Variants in DGKG observed in about 807,000 individuals in gnomAD.
DGKG encodes DAG kinase gamma.
A neutral mutation model predicts 105.3 loss-of-function variants in DGKG; 78 were observed. The ratio of observed to expected loss-of-function variants is 0.74; its 90% CI spans 0.62 to 0.89. DGKG has a LOEUF of 0.89. DGKG is among the 40% of genes least tolerant of loss of function. The pLI is 0.00. For synonymous variants in DGKG, 346 were observed against 367.1 expected, an observed-to-expected ratio of 0.94 and a Z score of 0.66; for missense variants, 958 against 1,020.1, an observed-to-expected ratio of 0.94 and a Z score of 0.83.
intron 1 of DGKG, among the ~76,000 whole-genome samples, chr3:186,356,828 TGAG>T (rs777742314): frequency 2.0e-5 from 3 of 152,166 alleles, no homozygotes; most frequent in Non-Finnish European, 4.4e-5. Context: ...CAGGACTCCC[TGAG>T]GAGAAGCACA....
intron 21 of DGKG, among the ~76,000 whole-genome samples, chr3:186,191,807 G>A (rs1717921060): frequency 6.6e-6 from 1 of 152,160 alleles, no homozygotes; most frequent in Non-Finnish European, 1.5e-5. Context: ...TTTCCTGAAA[G>A]CATAGGCTCA....
chr3:186,213,236 T>C (rs1719120586), intron 20 of DGKG, among the ~76,000 whole-genome samples: 2 of 152,250 alleles, frequency 1.3e-5, no homozygotes, highest in South Asian at 4.1e-4. Context: ...CTGGGTGTAC[T>C]GTAAGCAGAC....
At chr3:186,282,426 C>T (rs1437009155) in intron 7 of DGKG, among the ~76,000 whole-genome samples, 1 of 152,202 alleles carries the variant, frequency 6.6e-6, no homozygotes, top group African/African-American at 2.4e-5. Flanking sequence ...ACCTTTAAAA[C>T]GTATCTGGAA....
chr3:186,298,373 A>G, intron 3 of DGKG, 144 bp from the exon 4 acceptor site: 1 of 731,186 alleles, frequency 1.4e-6, no homozygotes, highest in East Asian at 2.8e-5. Context: ...GGGGACAGGA[A>G]TGAAAAGGCC....
chr3:186,157,830 G>A (rs998203539), intron 24 of DGKG, among the ~76,000 whole-genome samples: 1 of 152,008 alleles, frequency 6.6e-6, no homozygotes, highest in Non-Finnish European at 1.5e-5. Context: ...AGCCTCCCGA[G>A]GAGCTGGAAT....
At chr3:186,359,063 C>T (rs1727108829) in intron 1 of DGKG, among the ~76,000 whole-genome samples, 1 of 152,152 alleles carries the variant, frequency 6.6e-6, no homozygotes, top group African/African-American at 2.4e-5. Flanking sequence ...ATGTGTGATT[C>T]CTTCTTCCAT....
intron 20 of DGKG, among the ~76,000 whole-genome samples, chr3:186,227,519 T>G (rs548990099): frequency 6.6e-6 from 1 of 152,124 alleles, no homozygotes; most frequent in Non-Finnish European, 1.5e-5. Context: ...CGACCTGGCA[T>G]AGCAGAGTTG....
chr3:186,186,253 C>A (rs139409476), intron 22 of DGKG, among the ~76,000 whole-genome samples: 78 of 152,216 alleles, frequency 5.1e-4, no homozygotes, highest in African/African-American at 1.8e-3. Flanking sequence ...TCCCCAACCC[C>A]CGCCTTGATG....
At chr3:186,158,749 C>A (rs553320861) in intron 24 of DGKG, 631 of 967,066 alleles carry the variant, frequency 6.5e-4, no homozygotes, top group Non-Finnish European at 7.5e-4. Flanking sequence ...TCTATATCAA[C>A]CTTTTCTCAG....
At chr3:186,154,201 C>T (rs1480099507) in intron 24 of DGKG, among the ~76,000 whole-genome samples, 1 of 152,124 alleles carries the variant, frequency 6.6e-6, no homozygotes, top group Non-Finnish European at 1.5e-5. Context: ...ATAGTCTCTG[C>T]GATATTTTAA....
intron 21 of DGKG, among the ~76,000 whole-genome samples, chr3:186,192,031 G>C (rs909498033): frequency 6.6e-6 from 1 of 151,756 alleles, no homozygotes; most frequent in African/African-American, 2.4e-5. Flanking sequence ...TTTTGAGACA[G>C]AGTTTCGCTC....
chr3:186,245,221 A>C (rs1365953801), intron 19 of DGKG, among the ~76,000 whole-genome samples: 4 of 152,166 alleles, frequency 2.6e-5, no homozygotes, highest in Non-Finnish European at 5.9e-5. Context: ...CTTTTTACAA[A>C]GACCAGCCTT....
chr3:186,327,458 C>T (rs955500635), intron 1 of DGKG, among the ~76,000 whole-genome samples: 4 of 151,336 alleles, frequency 2.6e-5, no homozygotes, highest in Admixed American at 6.6e-5. Flanking sequence ...GGAATCACAG[C>T]CCACAGCAGC....
intron 24 of DGKG, chr3:186,159,255 C>A (rs1005418792): frequency 4.0e-5 from 6 of 151,744 alleles, no homozygotes; most frequent in Non-Finnish European, 7.4e-5. Context: ...ATTTTAAATT[C>A]TTCCAGATTT....
intron 20 of DGKG, among the ~76,000 whole-genome samples, chr3:186,225,406 A>G (rs1446284818): frequency 1.3e-5 from 2 of 152,188 alleles, no homozygotes; most frequent in Non-Finnish European, 2.9e-5. Context: ...GTCAAGCAAG[A>G]AAAATAAATA....
At chr3:186,331,425 C>T (rs1175259418) in intron 1 of DGKG, among the ~76,000 whole-genome samples, 1 of 152,192 alleles carries the variant, frequency 6.6e-6, no homozygotes, top group Non-Finnish European at 1.5e-5. Flanking sequence ...ACTCATTTAG[C>T]ATATTACTGG....
In DGKG at chr3:186,148,915, GT is replaced by G. The variant is rs144156108; in HGVS notation, c.*1174del. On this transcript the variant is annotated 3_prime_UTR_variant, in exon 25 of 25. Coordinates refer to ENST00000265022, the MANE Select transcript of DGKG (RefSeq NM_001346.3). ...CCACTTTCTGTCTCATACTACCTAT[GT>G]TTTTTTTTTCCAATGAGGAAAAGTC... 0.02 allele frequency: 17,787 copies of G among 889,008 alleles called. 861 individuals are homozygous for G. The highest frequency in any genetic ancestry group is 0.17 in the African/African-American group (9,372 of 54,002). 55.1% of individuals were successfully genotyped at this position (889,008 alleles called of 1,614,324 possible).
chr3:186,153,726 T>G (rs1044926985), intron 24 of DGKG, among the ~76,000 whole-genome samples: 1 of 152,248 alleles, frequency 6.6e-6, no homozygotes, highest in African/African-American at 2.4e-5. Context: ...TTCCTGAATG[T>G]TGCCTTCTCA....
intron 1 of DGKG, among the ~76,000 whole-genome samples, chr3:186,355,128 C>A (rs1726845005): frequency 9.0e-6 from 1 of 111,264 alleles, no homozygotes; most frequent in South Asian, 3.3e-4. Context: ...TCCATCATCA[C>A]CCTGCCCCCA....
Sources: gnomAD v4.1 joint callset for allele counts (sites outside exome capture counted in the v4.1 genomes callset) on GRCh38, gnomAD v4.1.1 for gene constraint, MANE v1.5 for transcripts, NCBI Gene and HGNC (gene_info 2026-07-23, HGNC 2026-07-21) for gene names.